The following ATCAY variants were observed in gnomAD, a reference collection of about 807,000 sequenced individuals.
ATCAY encodes ATCAY kinesin light chain interacting caytaxin.
ATCAY carries 22 observed loss-of-function variants against 47.7 expected under a neutral mutation model. That is an observed-to-expected ratio of 0.46 (90% CI 0.33 to 0.66). The LOEUF (loss-of-function observed/expected upper bound fraction) is 0.66. Ranked by LOEUF, ATCAY falls within the 30% of genes least tolerant of loss-of-function variation. The pLI is 0.02. For missense variants in ATCAY, 452 were observed against 515.0 expected, an observed-to-expected ratio of 0.88 and a Z score of 1.18; for synonymous variants, 216 against 207.6, an observed-to-expected ratio of 1.04 and a Z score of -0.35.
chr19:3,914,898 T>G (rs2038953910), intron 9 of ATCAY, among the ~76,000 whole-genome samples: 1 of 150,906 alleles, frequency 6.6e-6, no homozygotes, highest in African/African-American at 2.4e-5. Flanking sequence ...CGGGTCCCCC[T>G]GGCTACCAGG....
Position 3,918,567 on chromosome 19 carries a change from A to AC in ATCAY, c.1002-239_1002-238insC, listed in dbSNP as rs998077856. Among the ~76,000 whole-genome samples the AC allele has an allele frequency of 3.4e-5, 5 of 149,166 alleles. No homozygotes were observed. The East Asian group carries it at 5.9e-4, about 18-fold the overall frequency. On this transcript the variant is annotated intron_variant, in intron 10 of 12. Coordinates refer to ENST00000450849, the MANE Select transcript of ATCAY (RefSeq NM_033064.5). ...AAGATCCTGTCTCAAAAAAAAAAAC[A>AC]AAAAAAAACAGCCTTTATCATGCCA...
At chr19:3,890,553 A>G (rs1052028532) in intron 2 of ATCAY, among the ~76,000 whole-genome samples, 2 of 151,922 alleles carry the variant, frequency 1.3e-5, no homozygotes, top group African/African-American at 2.4e-5. Context: ...GCAAGCCACC[A>G]CACCCGGCCT....
chr19:3,902,708 A>G (rs1344057900), intron 3 of ATCAY, among the ~76,000 whole-genome samples, 163 bp downstream of exon 3: 2 of 152,130 alleles, frequency 1.3e-5, no homozygotes, highest in Non-Finnish European at 2.9e-5. Flanking sequence ...TGAGAGACAC[A>G]ATGGATGATG....
At chr19:3,893,600 G>A (rs894541129) in intron 2 of ATCAY, 1 of 152,090 alleles carries the variant, frequency 6.6e-6, no homozygotes, top group African/African-American at 2.4e-5. Context: ...GAGAGTCTGC[G>A]GTTCTCCTGG....
At chr19:3,902,873 G>A (rs900833736) in intron 3 of ATCAY, among the ~76,000 whole-genome samples, 6 of 152,336 alleles carry the variant, frequency 3.9e-5, no homozygotes, top group South Asian at 2.1e-4. Flanking sequence ...CAAATGCCCT[G>A]GAGGCACAAA....
rs529388043 is a variant in ATCAY, at chr19:3,891,340, C to T, written c.77+5496C>T. Among the ~76,000 whole-genome samples the T allele has an allele frequency of 7.9e-5, 12 of 152,184 alleles. 1 individual carries two copies. The East Asian group carries it at 1.2e-3, about 15-fold the overall frequency. On this transcript the variant is annotated intron_variant, in intron 2 of 12. Coordinates refer to ENST00000450849, the MANE Select transcript of ATCAY (RefSeq NM_033064.5). Reference sequence around the variant, plus strand: ...GTGCTGGGATTACAGGTGTGAGCCACGCGCCCGGCCTCCTTCTAGCATTTT... The same window carrying T: ...GTGCTGGGATTACAGGTGTGAGCCATGCGCCCGGCCTCCTTCTAGCATTTT...
intron 2 of ATCAY, chr19:3,893,753 T>G (rs1030574122): frequency 2.0e-5 from 3 of 152,296 alleles, no homozygotes; most frequent in Non-Finnish European, 4.4e-5. Flanking sequence ...GCTTCTCCAG[T>G]TCTGCATGAT....
intron 2 of ATCAY, among the ~76,000 whole-genome samples, chr19:3,899,751 G>T (rs928609516): frequency 6.6e-6 from 1 of 152,134 alleles, no homozygotes; most frequent in Admixed American, 6.6e-5. Context: ...GAGTCAGCAC[G>T]CCCTGCCGCT....
intron 7 of ATCAY, among the ~76,000 whole-genome samples, chr19:3,910,500 G>A (rs2038913937): frequency 6.6e-6 from 1 of 152,104 alleles, no homozygotes; most frequent in African/African-American, 2.4e-5. Context: ...TAGGGCATTA[G>A]GTGGTGAAAA....
rs768333954 is a variant in ATCAY at position 3,907,858 on chromosome 19, G to A, written c.483G>A (p.Glu161=). The A allele has an allele frequency of 6.2e-7, 1 of 1,613,978 alleles. No homozygotes were observed. The highest frequency in any genetic ancestry group is 8.5e-7 in the Non-Finnish European group (1 of 1,179,852). The change falls in exon 5 of 13, where the codon GAG becomes GAA. Residue 161 remains glutamate, a synonymous_variant. Transcript: ENST00000450849. This position sits in a 1 kb window ranked among gnomAD's most constrained non-coding sequence, Gnocchi z 5.1. The part of the protein sequence containing the change: ...GRLWRTVIIG[E]QEHRIDLHMI... ...TGTGGCGGACAGTGATCATCGGGGAGCAAGAGCACCGTATAGACCTGCACA... is the reference window on the plus strand; with the variant it reads ...TGTGGCGGACAGTGATCATCGGGGAACAAGAGCACCGTATAGACCTGCACA...
chr19:3,920,175 C>G (rs1433473501), intron 11 of ATCAY: 1 of 152,078 alleles, frequency 6.6e-6, no homozygotes, highest in Non-Finnish European at 1.5e-5. Context: ...GAGACTCCAT[C>G]TCTACAAAAA....
rs373392142 is a variant in ATCAY, at chr19:3,905,459, C to T, written c.162C>T (p.Asn54=). 227 of 1,612,008 alleles carry T rather than the reference C, an allele frequency of 1.4e-4. 4 individuals are homozygous for T. The Middle Eastern group carries it at 6.3e-3, about 45-fold the overall frequency. The change falls in exon 4 of 13, where the codon AAC becomes AAT. Residue 54 remains asparagine, a synonymous_variant. Coordinates refer to ENST00000450849, the MANE Select transcript of ATCAY (RefSeq NM_033064.5). ...TSSPPNTLNF[N]GAHRKRKTLV... is the part of the protein sequence containing the mutation. ...CTCCTCCCAACACGCTAAATTTCAA[C>T]GGAGCGCATCGTAAGAGGAAGACGC... is the stretch of plus-strand genomic sequence containing the variant.
intron 2 of ATCAY, among the ~76,000 whole-genome samples, chr19:3,892,462 A>G (rs1020063464): frequency 3.3e-5 from 5 of 152,116 alleles, no homozygotes; most frequent in African/African-American, 9.7e-5. Flanking sequence ...CAGCCTCCCA[A>G]AATGCTGGGA....
In ATCAY at chr19:3,908,006, C is replaced by G. The variant is rs944493055; in HGVS notation, c.544+87C>G. On this transcript the variant is annotated intron_variant, in intron 5 of 12. Transcript: ENST00000450849. Reference sequence around the variant, plus strand: ...TTCGTCAGTGCCCCTCTCTGATGCACGGGGATGTTAAGCCGTCAACTCGCT... The same window carrying G: ...TTCGTCAGTGCCCCTCTCTGATGCAGGGGGATGTTAAGCCGTCAACTCGCT... The G allele has an allele frequency of 3.4e-6, 5 of 1,479,140 alleles. No homozygotes were observed. In the Admixed American group the frequency reaches 9.9e-5, roughly 29 times the overall value. The allele number at this position is 1,479,140 out of a possible 1,614,324, so 91.6% of individuals were successfully genotyped here.
chr19:3,882,675 A>G (rs965085098), intron 1 of ATCAY, among the ~76,000 whole-genome samples: 3 of 133,048 alleles, frequency 2.3e-5, no homozygotes, highest in Non-Finnish European at 4.8e-5. Context: ...ATAGAACCTC[A>G]CTCTGTTGCT....
chr19:3,884,180 G>A (rs2038627070), intron 1 of ATCAY, among the ~76,000 whole-genome samples: 1 of 152,150 alleles, frequency 6.6e-6, no homozygotes, highest in Admixed American at 6.6e-5. Context: ...CCAGATACTT[G>A]GGAGGCTGAG....
chr19:3,895,225 T>A, intron 2 of ATCAY: 1 of 456,186 alleles, frequency 2.2e-6, no homozygotes, highest in Non-Finnish European at 4.4e-6. Context: ...AGTTTTTGTT[T>A]TTGTTTTTGA....
chr19:3,914,487 T>C (rs1162532749), intron 9 of ATCAY, among the ~76,000 whole-genome samples: 2 of 151,842 alleles, frequency 1.3e-5, no homozygotes, highest in Non-Finnish European at 2.9e-5. Context: ...AGGAGGGAAT[T>C]ATGGGAGCTA....
intron 2 of ATCAY, among the ~76,000 whole-genome samples, chr19:3,897,024 G>A (rs566269217): frequency 6.6e-6 from 1 of 151,974 alleles, no homozygotes; most frequent in Non-Finnish European, 1.5e-5. Flanking sequence ...TGATCCACCC[G>A]CCTCAGCCTC....
Sources: allele counts gnomAD v4.1 joint callset (sites outside exome capture counted in the v4.1 genomes callset), GRCh38; gene constraint gnomAD v4.1.1; non-coding constraint Gnocchi (gnomAD v3.1); transcripts MANE v1.5; gene names NCBI Gene and HGNC (gene_info 2026-07-23, HGNC 2026-07-21).